The following ADAMTS3 variants were observed in gnomAD, a reference collection of about 807,000 sequenced individuals.
ADAMTS3 encodes A disintegrin and metalloproteinase with thrombospondin motifs 3.
Under a neutral mutation model 129.0 loss-of-function variants are expected in ADAMTS3, and 73 were observed. That is an observed-to-expected ratio of 0.57 (90% CI 0.47 to 0.69). ADAMTS3 has a LOEUF of 0.69. Ranked by LOEUF, ADAMTS3 falls within the 30% of genes least tolerant of loss-of-function variation. The pLI is 0.00. For synonymous variants in ADAMTS3, 477 were observed against 510.8 expected (o/e 0.93, Z 0.89); for missense variants, 1,457 against 1,514.5 (o/e 0.96, Z 0.63).
At chr4:72,511,157 C>G (rs562641772) in intron 3 of ADAMTS3, among the ~76,000 whole-genome samples, 17 of 152,166 alleles carry the variant, frequency 1.1e-4, no homozygotes, top group African/African-American at 3.9e-4. Context: ...AATCTCAGAG[C>G]TCAAATTATG....
intron 3 of ADAMTS3, among the ~76,000 whole-genome samples, chr4:72,482,322 C>A (rs1205548551): frequency 6.6e-6 from 1 of 151,182 alleles, no homozygotes; most frequent in African/African-American, 2.4e-5. Context: ...TAGTACACAT[C>A]AATAAAAAAA....
At chr4:72,475,117 GA>G (rs563579398) in intron 3 of ADAMTS3, among the ~76,000 whole-genome samples, 2 of 150,322 alleles carry the variant, frequency 1.3e-5, no homozygotes, top group South Asian at 2.1e-4. Context: ...TAGAGGAGGA[GA>G]AAAAAACAGA....
chr4:72,425,877 T>C (rs1276052953), intron 3 of ADAMTS3, among the ~76,000 whole-genome samples: 2 of 151,536 alleles, frequency 1.3e-5, no homozygotes, highest in African/African-American at 4.9e-5. Flanking sequence ...TCAAATGGTA[T>C]TTCTAGTTCT....
rs1719509582 is a variant in ADAMTS3 at position 72,319,916 on chromosome 4, G to A, written c.1150C>T (p.Leu384=). 6.2e-7 allele frequency: 1 copy of A among 1,613,910 alleles called. No homozygotes were observed. Among genetic ancestry groups the A allele is most frequent in the Non-Finnish European group, 8.5e-7 (1 of 1,179,910 alleles). ...GMCHPVRSCT[L]NHEDGFSSAF... ...GATGAAAAACCATCCTCATGATTCA[G>A]GGTACAACTTCTCACTGGATGACAC... The change falls in exon 8 of 22, where the codon CTG becomes TTG. Residue 384 remains leucine (L), a synonymous_variant. Transcript: ENST00000286657.
chr4:72,517,854 T>G (rs1166326478), intron 3 of ADAMTS3, among the ~76,000 whole-genome samples: 1 of 151,698 alleles, frequency 6.6e-6, no homozygotes, highest in African/African-American at 2.4e-5. Context: ...TGCTCTGATC[T>G]TAGTTATTTC....
chr4:72,567,299 C>A, intron 2 of ADAMTS3, 75 bp downstream of exon 2: 2 of 1,414,300 alleles, frequency 1.4e-6, no homozygotes, highest in Middle Eastern at 1.8e-4. Flanking sequence ...ATTTCAGAAA[C>A]AATATTTTGC....
intron 3 of ADAMTS3, among the ~76,000 whole-genome samples, chr4:72,436,642 G>C (rs1268312132): frequency 6.6e-6 from 1 of 152,100 alleles, no homozygotes; most frequent in Non-Finnish European, 1.5e-5. Context: ...TTAAGAAAAT[G>C]TGGCACACAT....
rs551451482 is a variant in ADAMTS3 at position 72,431,824 on chromosome 4, T to C, written c.505-16853A>G. Among the ~76,000 whole-genome samples, 3 of 152,098 alleles carry C rather than the reference T, an allele frequency of 2.0e-5. No homozygotes were observed. The South Asian group carries it at 6.2e-4, about 32-fold the overall frequency. On this transcript the variant is annotated intron_variant, in intron 3 of 21. Transcript: ENST00000286657. ...GGGAAGAGGCGATACATAAGATTTA[T>C]ATATACTTAAAATAACCAAGAAAGA...
chr4:72,568,667 T>C, intron 1 of ADAMTS3, 27 bp downstream of exon 1: 1 of 1,605,302 alleles, frequency 6.2e-7, no homozygotes, highest in Non-Finnish European at 8.5e-7. Flanking sequence ...TTTGAGTTTT[T>C]TTTTATTGTT....
intron 3 of ADAMTS3, among the ~76,000 whole-genome samples, chr4:72,416,232 A>C (rs1332922621): frequency 5.7e-5 from 4 of 70,264 alleles, no homozygotes; most frequent in Non-Finnish European, 1.3e-4. Flanking sequence ...TATTTAGCAA[A>C]TATGCCTATG....
chr4:72,367,599 C>T (rs1578619476), intron 4 of ADAMTS3, among the ~76,000 whole-genome samples: 1 of 152,052 alleles, frequency 6.6e-6, no homozygotes, highest in Non-Finnish European at 1.5e-5. Context: ...ACAACTAGTT[C>T]CAGCACTTTG....
chr4:72,294,848 A>T (rs1280068018), intron 19 of ADAMTS3, among the ~76,000 whole-genome samples: 1 of 152,074 alleles, frequency 6.6e-6, no homozygotes, highest in Non-Finnish European at 1.5e-5. Flanking sequence ...GAGTAACAGT[A>T]AATCCCAGAG....
At chr4:72,335,024 C>A (rs1719954371) in intron 5 of ADAMTS3, among the ~76,000 whole-genome samples, 1 of 152,084 alleles carries the variant, frequency 6.6e-6, no homozygotes, top group South Asian at 2.1e-4. Flanking sequence ...ATATCGAAAT[C>A]ATCTAGGGTC....
chr4:72,437,923 AT>A (rs1051394879), intron 3 of ADAMTS3, among the ~76,000 whole-genome samples: 2 of 151,708 alleles, frequency 1.3e-5, no homozygotes, highest in East Asian at 3.9e-4. Flanking sequence ...CCTCGATAAG[AT>A]TTTTTTCCCA....
intron 3 of ADAMTS3, among the ~76,000 whole-genome samples, chr4:72,536,197 C>CTA (rs1721181871): frequency 6.6e-6 from 1 of 152,094 alleles, no homozygotes; most frequent in Non-Finnish European, 1.5e-5. Context: ...CAATAACTTT[C>CTA]TATATGGTAG....
chr4:72,420,370 C>T (rs1174175236), intron 3 of ADAMTS3, among the ~76,000 whole-genome samples: 4 of 152,174 alleles, frequency 2.6e-5, no homozygotes, highest in African/African-American at 9.7e-5. Context: ...CTTTCCTCTA[C>T]TTGGAATCCT....
chr4:72,530,047 T>TTATATATAATATATAATATATTATA lies in ADAMTS3; in HGVS notation c.504+18430_504+18431insTATAATATATTATATATTATATATA, dbSNP rs1491265468. ...TTATATATAAATATAATATATTATA[T>TTATATATAATATATAATATATTATA]TTATATATAATATGTTATATATAAC... is the stretch of plus-strand genomic sequence containing the variant. On this transcript the variant is annotated intron_variant, in intron 3 of 21. Coordinates refer to ENST00000286657, the MANE Select transcript of ADAMTS3 (RefSeq NM_014243.3). Among the ~76,000 whole-genome samples the TTATATATAATATATAATATATTATA allele has an allele frequency of 8.9e-4, 11 of 12,354 alleles. 4 individuals are homozygous for TTATATATAATATATAATATATTATA. The highest frequency in any genetic ancestry group is 7.4e-3 in the African/African-American group (11 of 1,492). 8.1% of individuals were successfully genotyped at this position (12,354 alleles called of 152,430 possible).
chr4:72,284,963 C>T (rs1034994695), intron 21 of ADAMTS3, among the ~76,000 whole-genome samples: 2 of 152,184 alleles, frequency 1.3e-5, no homozygotes, highest in Non-Finnish European at 2.9e-5. Context: ...ATATGTGCAA[C>T]ACAGAAACAC....
intron 3 of ADAMTS3, among the ~76,000 whole-genome samples, chr4:72,466,345 TATTCTTGA>T (rs1007229119): frequency 2.6e-5 from 4 of 152,056 alleles, no homozygotes; most frequent in Admixed American, 2.6e-4. Flanking sequence ...GTTTGGATTG[TATTCTTGA>T]ATGGCAAGAA....
Sources: gnomAD v4.1 joint callset for allele counts (sites outside exome capture counted in the v4.1 genomes callset) on GRCh38, gnomAD v4.1.1 for gene constraint, MANE v1.5 for transcripts, NCBI Gene and HGNC (gene_info 2026-07-23, HGNC 2026-07-21) for gene names.